The following BTF3L4 variants were observed in gnomAD, a reference collection of about 807,000 sequenced individuals.
BTF3L4 encodes the protein transcription factor BTF3 homolog 4.
A neutral mutation model predicts 16.8 loss-of-function variants in BTF3L4; 6 were observed. The observed-to-expected ratio is 0.36, with a 90% CI of 0.20 to 0.71. The LOEUF is 0.71. BTF3L4 is among the 30% of genes least tolerant of loss of function. The pLI is 0.58. For synonymous variants in BTF3L4, 39 were observed against 59.8 expected (o/e 0.65, Z 1.60); for missense variants, 92 against 186.9 (o/e 0.49, Z 2.96).
At chr1:52,073,493 T>TACACACACACACACACAC (rs142147737) in intron 3 of BTF3L4, among the ~76,000 whole-genome samples, 4 of 139,272 alleles carry the variant, frequency 2.9e-5, no homozygotes, top group African/African-American at 1.1e-4. Flanking sequence ...ATATGCTACA[T>TACACACACACACACACAC]ACACACACAC....
intron 2 of BTF3L4, chr1:52,060,674 A>G (rs1026544621): frequency 1.8e-5 from 18 of 1,020,980 alleles, no homozygotes; most frequent in Non-Finnish European, 2.0e-5. Context: ...GTAGGACACT[A>G]CTTTTTGTAG....
intron 3 of BTF3L4, 191 bp downstream of exon 3, chr1:52,065,129 A>C (rs1686612688): frequency 2.7e-6 from 1 of 375,258 alleles, no homozygotes; most frequent in African/African-American, 2.1e-5. Context: ...GTAGACAGTT[A>C]AGGATTTTCA....
rs1644002141 is a variant in BTF3L4, at chr1:52,089,680, T to G, written c.*2922T>G. ...TTGATTTATGATCTTAATTTTTGTGTTAGTCCTTTGAGGTTTTTTTGTTTT... is the reference window on the plus strand; with the variant it reads ...TTGATTTATGATCTTAATTTTTGTGGTAGTCCTTTGAGGTTTTTTTGTTTT... On this transcript the variant is annotated 3_prime_UTR_variant, in exon 6 of 6. Transcript: ENST00000313334. The G allele has an allele frequency of 6.6e-6, 1 of 152,210 alleles. No individual in the cohort carries two copies. The highest frequency in any genetic ancestry group is 1.5e-5 in the Non-Finnish European group (1 of 68,030). 9.4% of individuals were successfully genotyped at this position (152,210 alleles called of 1,614,324 possible).
Position 52,072,020 on chromosome 1 carries a change from G to GTT in BTF3L4, c.168+7090_168+7091dup, listed in dbSNP as rs139770010. Among the ~76,000 whole-genome samples, 60 of 121,706 alleles carry GTT rather than the reference G, an allele frequency of 4.9e-4. 1 individual carries two copies. Among genetic ancestry groups the GTT allele is most frequent in the South Asian group, 3.6e-3 (14 of 3,938 alleles). The allele number at this position is 121,706 out of a possible 152,430, so 79.8% of individuals were successfully genotyped here. On this transcript the variant is annotated intron_variant, in intron 3 of 5. Coordinates refer to ENST00000313334, the MANE Select transcript of BTF3L4 (RefSeq NM_152265.5). ...CACAAAATTTGCCATTTTAGCCAGG[G>GTT]TTTTTTTTTGTTTTTTTTTTTTGGT...
chr1:52,060,409 A>G (rs1167769821), intron 2 of BTF3L4: 5 of 1,193,310 alleles, frequency 4.2e-6, no homozygotes, highest in East Asian at 5.9e-5. Flanking sequence ...AGTTGATTAT[A>G]TATTTTGTTC....
At chr1:52,086,555 G>C in intron 5 of BTF3L4, 157 bp from the exon 6 acceptor site, 1 of 535,878 alleles carries the variant, frequency 1.9e-6, no homozygotes, top group Non-Finnish European at 3.3e-6. Context: ...ATCATTGTTA[G>C]TAAAATGCCA....
In BTF3L4 at chr1:52,089,758, A is replaced by G. The variant is rs1391661564; in HGVS notation, c.*3000A>G. ...TCTGTTTTGGACAAGTCCAAAGTAAATGGTTGGGCTCTTATATCTGTTTTA... is the reference window on the plus strand; with the variant it reads ...TCTGTTTTGGACAAGTCCAAAGTAAGTGGTTGGGCTCTTATATCTGTTTTA... On this transcript the variant is annotated 3_prime_UTR_variant, in exon 6 of 6. Transcript: ENST00000313334. 3.9e-5 allele frequency: 6 copies of G among 152,104 alleles called. No homozygotes were observed. Among genetic ancestry groups the G allele is most frequent in the Non-Finnish European group, 8.8e-5 (6 of 68,024 alleles). 9.4% of individuals were successfully genotyped at this position (152,104 alleles called of 1,614,324 possible). A position where few individuals can be genotyped will look rare whatever the true frequency, so the allele number is the denominator to read the frequency against.
intron 1 of BTF3L4, among the ~76,000 whole-genome samples, chr1:52,058,669 T>A (rs924202731): frequency 6.6e-6 from 1 of 152,130 alleles, no homozygotes; most frequent in Admixed American, 6.5e-5. Flanking sequence ...TGGCATGATC[T>A]TGGCTCACCG....
At position 52,079,115 on chromosome 1, in the gene BTF3L4, G is replaced by C. The variant is rs7530336; in HGVS notation, c.169-4225G>C. 2.2e-3 allele frequency among the ~76,000 whole-genome samples: 341 copies of C among 152,220 alleles called. 3 individuals carry two copies. Among genetic ancestry groups the C allele is most frequent in the African/African-American group, 7.8e-3 (324 of 41,534 alleles). On this transcript the variant is annotated intron_variant, in intron 3 of 5. Coordinates refer to ENST00000313334, the MANE Select transcript of BTF3L4 (RefSeq NM_152265.5). ...AAAATGGTAGGAGAGGTGTCTAACTGGTCTTGTTCAGCCAAACAATTCATC... is the reference window on the plus strand; with the variant it reads ...AAAATGGTAGGAGAGGTGTCTAACTCGTCTTGTTCAGCCAAACAATTCATC...
chr1:52,079,028 G>A (rs964181503), intron 3 of BTF3L4, among the ~76,000 whole-genome samples: 1 of 152,054 alleles, frequency 6.6e-6, no homozygotes, highest in African/African-American at 2.4e-5. Context: ...GTGAAGTCTC[G>A]ATATTAAATG....
chr1:52,056,888 C>T (rs1402315432), intron 1 of BTF3L4, among the ~76,000 whole-genome samples: 1 of 152,180 alleles, frequency 6.6e-6, no homozygotes, highest in African/African-American at 2.4e-5. Flanking sequence ...TTTATAACCC[C>T]CCTCCCACTG....
Position 52,086,700 on chromosome 1 carries a change from T to C in BTF3L4, c.431-12T>C, listed in dbSNP as rs772849787. 4.5e-6 allele frequency: 7 copies of C among 1,561,582 alleles called. No homozygotes were observed. Among genetic ancestry groups the C allele is most frequent in the Non-Finnish European group, 6.1e-6 (7 of 1,143,606 alleles). ...TATTCTTTGATTCATATACTTTGTT[T>C]TTCTTTTTCAGATCTTGTAGAAAAT... is the stretch of plus-strand genomic sequence containing the variant. On this transcript the variant is annotated splice_polypyrimidine_tract_variant and intron_variant, in intron 5 of 5. Transcript: ENST00000313334.
At chr1:52,085,219 C>A (rs4926907) in intron 4 of BTF3L4, among the ~76,000 whole-genome samples, 1 of 151,358 alleles carries the variant, frequency 6.6e-6, no homozygotes, top group Admixed American at 6.6e-5. Context: ...CAGGGTTTCA[C>A]CGTCTTGGCC....
At chr1:52,076,815 C>G (rs760308022) in intron 3 of BTF3L4, among the ~76,000 whole-genome samples, 4 of 152,126 alleles carry the variant, frequency 2.6e-5, no homozygotes, top group Non-Finnish European at 5.9e-5. Context: ...ATTCTTCAGT[C>G]TCACAACACC....
chr1:52,056,545 G>A (rs1221808432), intron 1 of BTF3L4, among the ~76,000 whole-genome samples, 166 bp downstream of exon 1: 1 of 152,252 alleles, frequency 6.6e-6, no homozygotes, highest in African/African-American at 2.4e-5. Context: ...TACCGGCGGC[G>A]CAGCTGGGGG....
At chr1:52,058,457 A>AT (rs770223986) in intron 1 of BTF3L4, among the ~76,000 whole-genome samples, 2 of 152,110 alleles carry the variant, frequency 1.3e-5, no homozygotes, top group African/African-American at 4.8e-5. Context: ...AGCAAACAGT[A>AT]TTTTTTTCAT....
intron 3 of BTF3L4, among the ~76,000 whole-genome samples, chr1:52,079,856 C>CTT (rs1259178043): frequency 7.6e-6 from 1 of 130,924 alleles, no homozygotes. Context: ...ATGGAATTTT[C>CTT]TTTTTCTTTT....
chr1:52,063,389 G>A (rs554360363), intron 2 of BTF3L4, among the ~76,000 whole-genome samples: 1 of 152,240 alleles, frequency 6.6e-6, no homozygotes, highest in East Asian at 1.9e-4. Context: ...TCACAAATGA[G>A]TGCCTATGTA....
chr1:52,081,236 C>G (rs1226147004), intron 3 of BTF3L4, among the ~76,000 whole-genome samples: 4 of 151,148 alleles, frequency 2.6e-5, no homozygotes, highest in Admixed American at 2.6e-4. Flanking sequence ...CTCCTGGGTT[C>G]AAGCCACTTC....
Sources: gnomAD v4.1 joint callset for allele counts (sites outside exome capture counted in the v4.1 genomes callset) on GRCh38, gnomAD v4.1.1 for gene constraint, MANE v1.5 for transcripts, NCBI Gene and HGNC (gene_info 2026-07-23, HGNC 2026-07-21) for gene names.